Variants in NFATC1 observed in about 807,000 individuals in gnomAD.
NFATC1 encodes the protein nuclear factor of activated T-cells, cytoplasmic 1.
NFATC1 carries 22 observed loss-of-function variants against 76.0 expected under a neutral mutation model. That is an observed-to-expected ratio of 0.29 (90% CI 0.21 to 0.41). NFATC1 has a LOEUF of 0.41. Among genes scored for constraint, NFATC1 ranks in the 10% least tolerant of loss-of-function variants. The probability of loss-of-function intolerance (pLI) is 1.00; values close to 1 mark genes in which losing one functional copy is unlikely to be tolerated. For synonymous variants in NFATC1, 704 were observed against 613.1 expected, an observed-to-expected ratio of 1.15 and a Z score of -2.19; for missense variants, 1,357 against 1,337.7, an observed-to-expected ratio of 1.01 and a Z score of -0.23.
At chr18:79,448,592 T>A in intron 3 of NFATC1, 190 bp from the exon 4 acceptor site, 1 of 619,382 alleles carries the variant, frequency 1.6e-6, no homozygotes, top group South Asian at 2.0e-5. Flanking sequence ...AGTGCCCAGG[T>A]CCATTGGGAT....
At chr18:79,448,120 G>C (rs2087293087) in intron 3 of NFATC1, 1 of 152,408 alleles carries the variant, frequency 6.6e-6, no homozygotes, top group Admixed American at 6.5e-5. Flanking sequence ...GAGAAGCCAT[G>C]AGCGGCTCTG....
intron 2 of NFATC1, among the ~76,000 whole-genome samples, chr18:79,420,136 G>A (rs551250912): frequency 1.8e-4 from 27 of 152,338 alleles, no homozygotes; most frequent in Non-Finnish European, 2.8e-4. Flanking sequence ...TGGGCTGTGC[G>A]ACAGATGTGT....
chr18:79,411,750 C>T (rs2085694794), intron 2 of NFATC1, among the ~76,000 whole-genome samples: 1 of 152,228 alleles, frequency 6.6e-6, no homozygotes, highest in South Asian at 2.1e-4. Context: ...CTGAAGTCTC[C>T]AGATCCTCTC....
intron 8 of NFATC1, among the ~76,000 whole-genome samples, chr18:79,475,117 CACT>C (rs1407776609): frequency 9.6e-5 from 14 of 145,716 alleles, no homozygotes; most frequent in South Asian, 2.2e-4. Context: ...TTCTCACGCT[CACT>C]GTCGACATTG....
chr18:79,514,767 TG>T (rs1009510174), intron 9 of NFATC1, among the ~76,000 whole-genome samples: 3 of 151,836 alleles, frequency 2.0e-5, no homozygotes, highest in African/African-American at 7.3e-5. Flanking sequence ...GGTTTGGGGC[TG>T]GGTACAGTGG....
At chr18:79,484,674 G>A (rs1186033997) in intron 8 of NFATC1, among the ~76,000 whole-genome samples, 2 of 152,212 alleles carry the variant, frequency 1.3e-5, no homozygotes, top group Non-Finnish European at 2.9e-5. Context: ...AACTCCACTC[G>A]GAATCCCTGG....
At chr18:79,431,456 C>T (rs1354052827) in intron 2 of NFATC1, among the ~76,000 whole-genome samples, 2 of 151,938 alleles carry the variant, frequency 1.3e-5, no homozygotes, top group South Asian at 2.1e-4. Context: ...CTGGCTCAGG[C>T]GATCCTCCCC....
At chr18:79,512,691 G>A (rs1319025916) in intron 9 of NFATC1, among the ~76,000 whole-genome samples, 2 of 152,232 alleles carry the variant, frequency 1.3e-5, no homozygotes, top group African/African-American at 4.8e-5. Flanking sequence ...CCTGGATGCG[G>A]CACCTGTGCC....
chr18:79,398,882 C>A (rs1261724948), intron 1 of NFATC1, among the ~76,000 whole-genome samples: 1 of 152,238 alleles, frequency 6.6e-6, no homozygotes, highest in African/African-American at 2.4e-5. Flanking sequence ...TCCTGGTCAA[C>A]ATGGTGAAAC....
intron 3 of NFATC1, among the ~76,000 whole-genome samples, chr18:79,442,523 T>C (rs2087022174): frequency 6.6e-6 from 1 of 152,338 alleles, no homozygotes; most frequent in East Asian, 1.9e-4. Context: ...GCTAGAAAAG[T>C]AGGGACCTGG....
At chr18:79,396,490 G>C in intron 1 of NFATC1, 139 bp downstream of exon 1, 1 of 434,260 alleles carries the variant, frequency 2.3e-6, no homozygotes, top group Non-Finnish European at 3.3e-6. Context: ...CGCCCAGGGA[G>C]GGGCGCGGCG....
Position 79,524,732 on chromosome 18 carries a change from C to T in NFATC1, c.2783-2796C>T, listed in dbSNP as rs549158440. Among the ~76,000 whole-genome samples the T allele has an allele frequency of 3.3e-5, 5 of 152,220 alleles. No homozygotes were observed. In the South Asian group the frequency reaches 1.0e-3, roughly 32 times the overall value. ...AGGCTGTGGTGGCCCCCGACGGGAA[C>T]CTGGGTGGCCGGGGGACACACCGAG... On this transcript the variant is annotated intron_variant, in intron 9 of 9. Coordinates refer to ENST00000427363, the MANE Select transcript of NFATC1 (RefSeq NM_001278669.2). This position sits in a 1 kb window ranked among gnomAD's most constrained non-coding sequence, Gnocchi z 7.2.
intron 7 of NFATC1, among the ~76,000 whole-genome samples, chr18:79,464,698 A>ATATATATATATATATATAT (rs1329123171): frequency 2.1e-5 from 2 of 94,872 alleles, no homozygotes; most frequent in African/African-American, 5.5e-5. Flanking sequence ...ATATATATTT[A>ATATATATATATATATATAT]TTTATTTATT....
intron 9 of NFATC1, among the ~76,000 whole-genome samples, chr18:79,520,757 AG>A (rs2090516588): frequency 6.4e-5 from 2 of 31,076 alleles, no homozygotes; most frequent in Non-Finnish European, 1.1e-4. Flanking sequence ...TGTGTGTAGG[AG>A]GGGAGCATCC....
chr18:79,435,293 G>C (rs558283732), intron 3 of NFATC1, among the ~76,000 whole-genome samples: 2 of 152,232 alleles, frequency 1.3e-5, no homozygotes, highest in African/African-American at 4.8e-5. Flanking sequence ...GGGTAAAGCA[G>C]GACCATGAGT....
intron 1 of NFATC1, chr18:79,400,308 G>A (rs1321788398): frequency 7.9e-6 from 10 of 1,268,644 alleles, no homozygotes; most frequent in Non-Finnish European, 7.0e-6. Flanking sequence ...CACGTTACGC[G>A]GAGGACGCGC....
At chr18:79,523,704 G>A (rs1212793125) in intron 9 of NFATC1, among the ~76,000 whole-genome samples, 1 of 152,220 alleles carries the variant, frequency 6.6e-6, no homozygotes, top group African/African-American at 2.4e-5. Flanking sequence ...TGGCCTCGAG[G>A]GAGGCTCTCA....
chr18:79,492,901 CTTTTTTTTT>C (rs10605674), intron 9 of NFATC1, among the ~76,000 whole-genome samples: 8 of 87,238 alleles, frequency 9.2e-5, no homozygotes, highest in Admixed American at 2.8e-4. Context: ...ATGAATCCAG[CTTTTTTTTT>C]TTTTTTTTTT....
chr18:79,519,122 C>G lies in NFATC1; in HGVS notation c.2783-8406C>G, dbSNP rs60341804. Among the ~76,000 whole-genome samples the G allele has an allele frequency of 4.7e-3, 720 of 152,320 alleles. 6 individuals are homozygous for G. The highest frequency in any genetic ancestry group is 0.016 in the African/African-American group (672 of 41,572). On this transcript the variant is annotated intron_variant, in intron 9 of 9. Transcript: ENST00000427363. ...GTGCAAAGACCTCGCCTCAGAAAGG[C>G]TTCAGAGCCTCCGGCGGCTGGCAGG...
Sources: allele counts gnomAD v4.1 joint callset (sites outside exome capture counted in the v4.1 genomes callset), GRCh38; gene constraint gnomAD v4.1.1; non-coding constraint Gnocchi (gnomAD v3.1); transcripts MANE v1.5; gene names NCBI Gene and HGNC (gene_info 2026-07-23, HGNC 2026-07-21).